Variants in PLCB4 observed in about 807,000 individuals in gnomAD.
The protein encoded by PLCB4 is 1-phosphatidylinositol 4,5-bisphosphate phosphodiesterase beta-4.
PLCB4 carries 77 observed loss-of-function variants against 178.8 expected under a neutral mutation model. That is an observed-to-expected ratio of 0.43 (90% CI 0.36 to 0.52). The LOEUF is 0.52. PLCB4 is among the 20% of genes least tolerant of loss of function. The probability of loss-of-function intolerance (pLI) is 0.00; values close to 1 mark genes in which losing one functional copy is unlikely to be tolerated. For missense variants in PLCB4, 1,024 were observed against 1,453.4 expected (o/e 0.70, Z 4.80); for synonymous variants, 496 against 490.8 (o/e 1.01, Z -0.14).
chr20:9,091,827 T>C (rs1475539284), intron 1 of PLCB4, among the ~76,000 whole-genome samples: 2 of 152,106 alleles, frequency 1.3e-5, no homozygotes, highest in African/African-American at 4.8e-5. Context: ...TACAGATTTT[T>C]TTTTCTTTTT....
At chr20:9,330,099 A>G (rs1245222633) in intron 4 of PLCB4, among the ~76,000 whole-genome samples, 1 of 152,204 alleles carries the variant, frequency 6.6e-6, no homozygotes, top group African/African-American at 2.4e-5. Flanking sequence ...CCCTGGAATA[A>G]GGAGAGGAAA....
Position 9,373,110 on chromosome 20 carries a change from C to CT in PLCB4, c.744+11dup, listed in dbSNP as rs1457258554. 2 of 1,409,882 alleles carry CT rather than the reference C, an allele frequency of 1.4e-6. No homozygotes were observed. Among genetic ancestry groups the CT allele is most frequent in the Non-Finnish European group, 2.0e-6 (2 of 997,988 alleles). 87.3% of individuals were successfully genotyped at this position (1,409,882 alleles called of 1,614,324 possible). ...TAGTGAGCTTTCTAAATGAAGTAAG[C>CT]TTTTTCATACATTAACTCCATAAAG... On this transcript the variant is annotated splice_region_variant and intron_variant, in intron 12 of 39. Coordinates refer to ENST00000378473, the MANE Select transcript of PLCB4 (RefSeq NM_001377142.1).
chr20:9,131,055 A>C (rs1449685976), intron 2 of PLCB4, among the ~76,000 whole-genome samples: 1 of 152,104 alleles, frequency 6.6e-6, no homozygotes, highest in Non-Finnish European at 1.5e-5. Flanking sequence ...TGGTACTAAT[A>C]GCATAACTTG....
chr20:9,478,324 A>C (rs577736240), intron 39 of PLCB4, among the ~76,000 whole-genome samples: 30 of 152,244 alleles, frequency 2.0e-4, no homozygotes, highest in African/African-American at 7.0e-4. Context: ...ACAGGGATAG[A>C]GTTTGCACAA....
chr20:9,404,184 A>G (rs2039258479), intron 20 of PLCB4, among the ~76,000 whole-genome samples: 1 of 152,110 alleles, frequency 6.6e-6, no homozygotes, highest in African/African-American at 2.4e-5. Context: ...ACTGCCTGGA[A>G]TTCCTTGAGG....
chr20:9,473,374 C>T lies in PLCB4; in HGVS notation c.3495+9C>T. ...AGAAACAGAATGAGCAGGTATTTTA[C>T]CTAAAATACGTAAAAACATGCAGGC... On this transcript the variant is annotated intron_variant, in intron 38 of 39. Coordinates refer to ENST00000378473, the MANE Select transcript of PLCB4 (RefSeq NM_001377142.1). The T allele has an allele frequency of 6.6e-7, 1 of 1,514,588 alleles. No individual in the cohort carries two copies. Among genetic ancestry groups the T allele is most frequent in the Non-Finnish European group, 9.1e-7 (1 of 1,099,362 alleles). The allele number at this position is 1,514,588 out of a possible 1,614,324, so 93.8% of individuals were successfully genotyped here. A position where few individuals can be genotyped will look rare whatever the true frequency, so the allele number is the denominator to read the frequency against.
At chr20:9,390,682 A>G (rs2148411626) in intron 17 of PLCB4, 67 bp downstream of exon 17, 1 of 774,662 alleles carries the variant, frequency 1.3e-6, no homozygotes. Flanking sequence ...CTGAAGGGTC[A>G]AGTAGTACTA....
chr20:9,380,868 A>C (rs2037083292), intron 13 of PLCB4, among the ~76,000 whole-genome samples: 1 of 152,130 alleles, frequency 6.6e-6, no homozygotes, highest in Admixed American at 6.5e-5. Flanking sequence ...AAGAGATGAA[A>C]GTTCAAGTTC....
chr20:9,360,956 A>G (rs533574181), intron 7 of PLCB4, among the ~76,000 whole-genome samples: 1 of 152,296 alleles, frequency 6.6e-6, no homozygotes, highest in East Asian at 1.9e-4. Context: ...CTACTACTTA[A>G]AAAAAGAAAC....
At chr20:9,094,807 G>A (rs1481516765) in intron 1 of PLCB4, among the ~76,000 whole-genome samples, 1 of 152,264 alleles carries the variant, frequency 6.6e-6, no homozygotes, top group East Asian at 1.9e-4. Flanking sequence ...CTTAGTGTAC[G>A]TGCAGTGACC....
chr20:9,380,251 G>A (rs2037029271), intron 13 of PLCB4, 89 bp downstream of exon 13: 1 of 644,878 alleles, frequency 1.6e-6, no homozygotes, highest in African/African-American at 1.9e-5. Context: ...ATCTGTAAAT[G>A]CTTTGCAACT....
chr20:9,398,250 A>G (rs1185631050), intron 19 of PLCB4, among the ~76,000 whole-genome samples: 1 of 152,124 alleles, frequency 6.6e-6, no homozygotes, highest in Non-Finnish European at 1.5e-5. Flanking sequence ...CAAGTTCAAG[A>G]GGGTGAGTGA....
At chr20:9,213,635 T>TTACATGGAAA (rs1452800120) in intron 2 of PLCB4, among the ~76,000 whole-genome samples, 7 of 152,210 alleles carry the variant, frequency 4.6e-5, no homozygotes, top group Non-Finnish European at 5.9e-5. Flanking sequence ...TACATGTAAT[T>TTACATGGAAA]TTTATATGGA....
At chr20:9,104,933 A>G (rs1229917544) in intron 2 of PLCB4, among the ~76,000 whole-genome samples, 1 of 152,076 alleles carries the variant, frequency 6.6e-6, no homozygotes. Flanking sequence ...TGTATATTTT[A>G]TATGCTCTAC....
intron 3 of PLCB4, among the ~76,000 whole-genome samples, chr20:9,260,420 T>C (rs1412362482): frequency 6.6e-6 from 1 of 152,138 alleles, no homozygotes; most frequent in East Asian, 1.9e-4. Context: ...TTGTCAGTAT[T>C]AAATTTTAGA....
chr20:9,324,978 C>T (rs2030203972), intron 4 of PLCB4, among the ~76,000 whole-genome samples: 1 of 152,176 alleles, frequency 6.6e-6, no homozygotes, highest in Non-Finnish European at 1.5e-5. Flanking sequence ...TCAGCATTGT[C>T]TATTATCTCC....
rs564967446 is a variant in PLCB4 at position 9,393,196 on chromosome 20, G to A, written c.1324-392G>A. ...AGCCTGACACTTGGGGGGATCTGGG[G>A]GGCCTCTCACTTGGGAAAGCTAATT... On this transcript the variant is annotated intron_variant, in intron 17 of 39. Transcript: ENST00000378473. 2.0e-5 allele frequency among the ~76,000 whole-genome samples: 3 copies of A among 152,156 alleles called. No homozygotes were observed. In the South Asian group the frequency reaches 6.2e-4, roughly 32 times the overall value.
At chr20:9,272,128 T>C (rs1468872032) in intron 3 of PLCB4, among the ~76,000 whole-genome samples, 1 of 151,226 alleles carries the variant, frequency 6.6e-6, no homozygotes, top group East Asian at 2.0e-4. Flanking sequence ...CAGTGAACTA[T>C]GAACATGCCA....
intron 3 of PLCB4, among the ~76,000 whole-genome samples, chr20:9,298,188 C>A (rs934180023): frequency 6.6e-6 from 1 of 152,024 alleles, no homozygotes; most frequent in South Asian, 2.1e-4. Flanking sequence ...TTTCTCAGTT[C>A]CCCCCAGTTC....
Sources: allele counts gnomAD v4.1 joint callset (sites outside exome capture counted in the v4.1 genomes callset), GRCh38; gene constraint gnomAD v4.1.1; transcripts MANE v1.5; gene names NCBI Gene and HGNC (gene_info 2026-07-23, HGNC 2026-07-21).